The following NRXN1 variants were observed in gnomAD, a reference collection of about 807,000 sequenced individuals.
NRXN1 encodes neurexin 1, also known as neurexin-1.
In NRXN1, 39 loss-of-function variants were observed where a neutral mutation model predicts 150.9. The observed-to-expected ratio is 0.26, with a 90% confidence interval of 0.20 to 0.34. The LOEUF is 0.34. Ranked by LOEUF, NRXN1 falls within the 10% of genes least tolerant of loss-of-function variation. The pLI is 1.00. For synonymous variants in NRXN1, 924 were observed against 757.0 expected, an observed-to-expected ratio of 1.22 and a Z score of -3.62; for missense variants, 1,815 against 1,949.9, an observed-to-expected ratio of 0.93 and a Z score of 1.30.
At chr2:50,862,516 G>A (rs912976018) in intron 5 of NRXN1, among the ~76,000 whole-genome samples, 2 of 151,958 alleles carry the variant, frequency 1.3e-5, no homozygotes, top group Non-Finnish European at 2.9e-5. Flanking sequence ...CTCATGTGTA[G>A]GAAGGTCCTG....
intron 5 of NRXN1, chr2:50,919,202 A>G (rs1170331676): frequency 6.6e-6 from 1 of 151,744 alleles, no homozygotes; most frequent in Non-Finnish European, 1.5e-5. Context: ...TCATGTACAC[A>G]TGATAAGGGA....
chr2:50,124,001 T>C (rs1015923076), intron 18 of NRXN1, among the ~76,000 whole-genome samples: 11 of 151,896 alleles, frequency 7.2e-5, no homozygotes, highest in African/African-American at 2.7e-4. Context: ...TGAGAGAGAA[T>C]GGGATATCCA....
intron 17 of NRXN1, among the ~76,000 whole-genome samples, chr2:50,373,662 G>T (rs2080235982): frequency 3.0e-5 from 3 of 100,990 alleles, no homozygotes; most frequent in African/African-American, 1.3e-4. Flanking sequence ...AAGAAAGAAA[G>T]AAAGAAAGAA....
intron 5 of NRXN1, among the ~76,000 whole-genome samples, chr2:50,698,381 A>C (rs1434632961): frequency 2.6e-5 from 4 of 152,218 alleles, no homozygotes; most frequent in East Asian, 1.9e-4. Flanking sequence ...TAGTTGTGAG[A>C]ATCTAGCTCT....
Position 50,802,903 on chromosome 2 carries a change from A to G in NRXN1, c.832+118966T>C, listed in dbSNP as rs566637831. Among the ~76,000 whole-genome samples the G allele has an allele frequency of 1.2e-4, 18 of 152,258 alleles. 1 individual carries two copies. Among genetic ancestry groups the G allele is most frequent in the African/African-American group, 4.1e-4 (17 of 41,566 alleles). On this transcript the variant is annotated intron_variant, in intron 5 of 22. Coordinates refer to ENST00000401669, the MANE Select transcript of NRXN1 (RefSeq NM_001330078.2). ...GACTGCCTGCACACCACCAGATACT[A>G]GGAAGACACAAGGAACGATTTCTCT... is the stretch of plus-strand genomic sequence containing the variant.
intron 19 of NRXN1, among the ~76,000 whole-genome samples, chr2:50,058,649 A>T (rs989278741): frequency 6.6e-6 from 1 of 152,164 alleles, no homozygotes; most frequent in African/African-American, 2.4e-5. Context: ...TCTCCACCCA[A>T]ATCTCATCTT....
At chr2:49,996,004 G>GT (rs1682931239) in intron 21 of NRXN1, among the ~76,000 whole-genome samples, 1 of 151,964 alleles carries the variant, frequency 6.6e-6, no homozygotes, top group Non-Finnish European at 1.5e-5. Flanking sequence ...AGCATCCACA[G>GT]TGAGCAGTGA....
chr2:50,517,936 C>T lies in NRXN1; in HGVS notation c.2374+10689G>A, dbSNP rs564311826. Among the ~76,000 whole-genome samples, 7 of 152,242 alleles carry T rather than the reference C, an allele frequency of 4.6e-5. No individual in the cohort carries two copies. In the East Asian group the frequency reaches 1.3e-3, roughly 29 times the overall value. Reference sequence around the variant, plus strand: ...TCAGTATTTCTCGATGCTTCACCTCCTGCTCTATTTCTTCTGGCCTATAAA... The same window carrying T: ...TCAGTATTTCTCGATGCTTCACCTCTTGCTCTATTTCTTCTGGCCTATAAA... On this transcript the variant is annotated intron_variant, in intron 12 of 22. Coordinates refer to ENST00000401669, the MANE Select transcript of NRXN1 (RefSeq NM_001330078.2).
intron 21 of NRXN1, among the ~76,000 whole-genome samples, chr2:49,961,593 T>C (rs565197463): frequency 7.2e-5 from 11 of 152,336 alleles, no homozygotes; most frequent in African/African-American, 2.4e-4. Flanking sequence ...AATTCTCATT[T>C]ATTTTAAACA....
At chr2:50,895,489 AG>A (rs1387510342) in intron 5 of NRXN1, among the ~76,000 whole-genome samples, 1 of 152,072 alleles carries the variant, frequency 6.6e-6, no homozygotes, top group Non-Finnish European at 1.5e-5. Flanking sequence ...AACTATATTC[AG>A]GGGTCAGGCA....
At chr2:50,692,820 C>G (rs763694205) in intron 5 of NRXN1, among the ~76,000 whole-genome samples, 5 of 152,090 alleles carry the variant, frequency 3.3e-5, no homozygotes, top group Non-Finnish European at 2.9e-5. Flanking sequence ...AACAGGAAAG[C>G]ACCCCATCAA....
chr2:50,096,770 T>A lies in NRXN1; in HGVS notation c.3547-5276A>T, dbSNP rs1700283394. 2.0e-5 allele frequency among the ~76,000 whole-genome samples: 3 copies of A among 152,234 alleles called. No individual in the cohort carries two copies. In the South Asian group the frequency reaches 6.2e-4, roughly 31 times the overall value. ...GCTCATTTCTGAATAAAGATTATAT[T>A]ATTAAACCAAGTTAAAGGGAAACAT... On this transcript the variant is annotated intron_variant, in intron 18 of 22. Transcript: ENST00000401669.
chr2:50,610,676 T>TATATATATATATA (rs1207220079), intron 8 of NRXN1, among the ~76,000 whole-genome samples: 3 of 130,370 alleles, frequency 2.3e-5, no homozygotes, highest in Admixed American at 8.2e-5. Flanking sequence ...TATATATATA[T>TATATATATATATA]ATCTGTACAA....
intron 17 of NRXN1, among the ~76,000 whole-genome samples, chr2:50,369,299 C>G (rs528433841): frequency 1.8e-3 from 280 of 152,004 alleles, no homozygotes; most frequent in African/African-American, 6.7e-3. Context: ...TATATATAGC[C>G]TATATATTTT....
At chr2:50,452,716 T>C (rs770276640) in intron 17 of NRXN1, among the ~76,000 whole-genome samples, 13 of 152,338 alleles carry the variant, frequency 8.5e-5, no homozygotes, top group Non-Finnish European at 1.3e-4. Flanking sequence ...ATGTACCTAA[T>C]ATAAATGGCA....
chr2:50,341,562 T>C (rs1360890262), intron 17 of NRXN1, among the ~76,000 whole-genome samples: 2 of 152,228 alleles, frequency 1.3e-5, no homozygotes, highest in African/African-American at 4.8e-5. Flanking sequence ...TAAATGGCAA[T>C]GGCCAAATTT....
chr2:50,184,687 T>C (rs1220967186), intron 18 of NRXN1, among the ~76,000 whole-genome samples: 5 of 151,412 alleles, frequency 3.3e-5, no homozygotes, highest in Non-Finnish European at 7.4e-5. Context: ...GCCTCCAGAG[T>C]AGTGTGCTGT....
intron 5 of NRXN1, among the ~76,000 whole-genome samples, chr2:50,816,632 C>T (rs1668981066): frequency 6.6e-6 from 1 of 152,032 alleles, no homozygotes; most frequent in Non-Finnish European, 1.5e-5. Context: ...CCTGTATCTT[C>T]AAAGAAAGAA....
chr2:50,025,630 G>A (rs536387434), intron 21 of NRXN1, among the ~76,000 whole-genome samples: 1 of 152,218 alleles, frequency 6.6e-6, no homozygotes, highest in South Asian at 2.1e-4. Context: ...AAATGCTTTG[G>A]GGTATCTACA....
Sources: gnomAD v4.1 joint callset for allele counts (sites outside exome capture counted in the v4.1 genomes callset) on GRCh38, gnomAD v4.1.1 for gene constraint, MANE v1.5 for transcripts, NCBI Gene and HGNC (gene_info 2026-07-23, HGNC 2026-07-21) for gene names.